C5: variants seen among roughly 807,000 people sequenced by gnomAD.
C5 encodes complement C5.
A neutral mutation model predicts 218.8 loss-of-function variants in C5; 140 were observed. The observed-to-expected ratio is 0.64, with a 90% confidence interval of 0.56 to 0.74. C5 has a LOEUF of 0.74. Among genes scored for constraint, C5 ranks in the 30% least tolerant of loss-of-function variants. C5 has a pLI of 0.00. For missense variants in C5, 1,700 were observed against 1,969.6 expected, an observed-to-expected ratio of 0.86 and a Z score of 2.59; for synonymous variants, 614 against 682.3, an observed-to-expected ratio of 0.90 and a Z score of 1.56.
chr9:120,968,404 T>C (rs758564961), intron 33 of C5, among the ~76,000 whole-genome samples: 1 of 152,222 alleles, frequency 6.6e-6, no homozygotes, highest in African/African-American at 2.4e-5. Context: ...CCAGAAGGAA[T>C]ACAGCCCTAC....
rs572345213 is a variant in C5 at position 121,002,316 on chromosome 9, G to GTGTGTGTGTGTATATATATATATATA, written c.2562+3602_2562+3603insTATATATATATATATACACACACACA. Among the ~76,000 whole-genome samples the GTGTGTGTGTGTATATATATATATATA allele has an allele frequency of 8.7e-4, 76 of 87,370 alleles. 1 individual carries two copies. Among genetic ancestry groups the GTGTGTGTGTGTATATATATATATATA allele is most frequent in the Non-Finnish European group, 1.3e-3 (61 of 45,300 alleles). 57.3% of individuals were successfully genotyped at this position (87,370 alleles called of 152,430 possible). On this transcript the variant is annotated intron_variant, in intron 20 of 40. Coordinates refer to ENST00000223642, the MANE Select transcript of C5 (RefSeq NM_001735.3). Reference sequence around the variant, plus strand: ...TATATATGTATATATATATGTGTGTGTATATATATATATATATATATATAT... The same window carrying GTGTGTGTGTGTATATATATATATATA: ...TATATATGTATATATATATGTGTGTGTGTGTGTGTGTATATATATATATATATATATATATATATATATATATATAT...
At chr9:120,978,229 G>A (rs1209813815) in intron 28 of C5, among the ~76,000 whole-genome samples, 1 of 151,894 alleles carries the variant, frequency 6.6e-6, no homozygotes, top group Non-Finnish European at 1.5e-5. Flanking sequence ...AATCCTTTTT[G>A]GAACAAACTA....
rs1343382966 is a variant in C5, at chr9:121,002,335, TATATATACAC to T, written c.2562+3574_2562+3583del. 2.8e-3 allele frequency among the ~76,000 whole-genome samples: 302 copies of T among 109,428 alleles called. 5 individuals carry two copies. The highest frequency in any genetic ancestry group is 0.011 in the African/African-American group (288 of 27,160). 71.8% of individuals were successfully genotyped at this position (109,428 alleles called of 152,430 possible). A position where few individuals can be genotyped will look rare whatever the true frequency, so the allele number is the denominator to read the frequency against. Reference sequence around the variant, plus strand: ...GTGTGTGTATATATATATATATATATATATATACACACATACCTACACAAGCCGATTTTAT... The same window carrying T: ...GTGTGTGTATATATATATATATATATACATACCTACACAAGCCGATTTTAT... On this transcript the variant is annotated intron_variant, in intron 20 of 40. Transcript: ENST00000223642.
intron 4 of C5, among the ~76,000 whole-genome samples, 197 bp from the exon 5 acceptor site, chr9:121,035,091 CCTT>C (rs2047512306): frequency 6.6e-6 from 1 of 151,990 alleles, no homozygotes. Flanking sequence ...CAGCCATTTC[CCTT>C]CTTCTTTTTC....
intron 22 of C5, among the ~76,000 whole-genome samples, chr9:120,993,001 A>C (rs1164043052): frequency 1.3e-5 from 2 of 152,240 alleles, no homozygotes; most frequent in Non-Finnish European, 2.9e-5. Flanking sequence ...AAACGTGCAA[A>C]AGATATGAAT....
At chr9:120,962,555 G>T in intron 36 of C5, 116 bp downstream of exon 36, 1 of 816,066 alleles carries the variant, frequency 1.2e-6, no homozygotes, top group Non-Finnish European at 2.2e-6. Flanking sequence ...CTTTCATGAA[G>T]AGTGGTCCCT....
Position 121,006,062 on chromosome 9 carries a change from C to T in C5, c.2423-4G>A, listed in dbSNP as rs779596746. The T allele has an allele frequency of 1.1e-5, 17 of 1,613,496 alleles. No individual in the cohort carries two copies. Among genetic ancestry groups the T allele is most frequent in the Non-Finnish European group, 1.4e-5 (17 of 1,179,660 alleles). On this transcript the variant is annotated splice_polypyrimidine_tract_variant and splice_region_variant and intron_variant, in intron 19 of 40. Coordinates refer to ENST00000223642, the MANE Select transcript of C5 (RefSeq NM_001735.3). ...ACAGTATCAGCAACACATATACCTT[C>T]AGCCCAAAGTGGAAGCAAAGTAGAA... is the stretch of plus-strand genomic sequence containing the variant.
intron 22 of C5, among the ~76,000 whole-genome samples, chr9:120,994,497 C>T (rs1291023042): frequency 4.0e-5 from 6 of 151,886 alleles, no homozygotes; most frequent in Non-Finnish European, 5.9e-5. Flanking sequence ...GCAGGAGAAT[C>T]GCTTGAAATC....
chr9:120,991,308 C>T (rs1564142543), intron 22 of C5, 28 bp from the exon 23 acceptor site: 1 of 1,255,246 alleles, frequency 8.0e-7, no homozygotes, highest in African/African-American at 1.5e-5. Flanking sequence ...TGGATTTATA[C>T]AGAGTTTCCA....
chr9:121,070,384 GATATATATATATAT>G, the C5 span, among the ~76,000 whole-genome samples: 9,846 of 72,820 alleles, frequency 0.14, 650 homozygotes, highest in East Asian at 0.2. Flanking sequence ...AAGGAAGGGT[GATATATATATATAT>G]ATATATATAT....
chr9:121,017,595 C>T (rs377671804), intron 13 of C5, 48 bp downstream of exon 13: 6 of 1,602,590 alleles, frequency 3.7e-6, no homozygotes, highest in Non-Finnish European at 4.3e-6. Context: ...TTGGCAGCCT[C>T]CTTCATTGAA....
At chr9:121,028,597 G>A (rs1373820863) in intron 7 of C5, among the ~76,000 whole-genome samples, 1 of 152,098 alleles carries the variant, frequency 6.6e-6, no homozygotes, top group Admixed American at 6.5e-5. Flanking sequence ...CACAAGGACA[G>A]AAAACCAAAT....
chr9:121,005,405 G>A (rs1196211210), intron 20 of C5, among the ~76,000 whole-genome samples: 8 of 152,202 alleles, frequency 5.3e-5, no homozygotes, highest in African/African-American at 1.2e-4. Flanking sequence ...TGGACTGAAG[G>A]TTTCAGTGAT....
intron 27 of C5, among the ~76,000 whole-genome samples, chr9:120,981,245 GAAAC>G (rs1215488044): frequency 6.6e-6 from 1 of 152,174 alleles, no homozygotes; most frequent in Non-Finnish European, 1.5e-5. Flanking sequence ...TTAAGCTTCT[GAAAC>G]AAACTGAAAA....
chr9:120,997,554 C>A lies in C5; in HGVS notation c.2783G>T (p.Arg928Leu). The change falls in exon 21 of 41, where the codon CGA becomes CTA. Residue 928 changes from arginine to leucine, a missense_variant. Coordinates refer to ENST00000223642, the MANE Select transcript of C5 (RefSeq NM_001735.3). The stretch of plus-strand genomic sequence containing the variant: ...GAAGCATGTTTTTCTTACCACCACT[C>A]GTAATGTTTTTACTAAGATTTCTTT... The part of the protein sequence containing the change: ...FGKEILVKTL[R>L]VVPEGVKRES... 6.2e-7 allele frequency: 1 copy of A among 1,610,234 alleles called. No individual in the cohort carries two copies. The highest frequency in any genetic ancestry group is 1.1e-5 in the South Asian group (1 of 90,948).
intron 20 of C5, among the ~76,000 whole-genome samples, chr9:121,004,987 A>AT (rs1279295779): frequency 6.6e-6 from 1 of 151,880 alleles, no homozygotes; most frequent in African/African-American, 2.4e-5. Flanking sequence ...CCGTCTTAAA[A>AT]AAAAAAGTGT....
chr9:120,980,145 T>C lies in C5; in HGVS notation c.3596A>G (p.Asp1199Gly). Residue 1199 changes from aspartate (D) to glycine (G), a missense_variant, in exon 28 of 41, where the codon GAT becomes GGT. By Grantham distance (94) the Asp-to-Gly change is moderately conservative. Transcript: ENST00000223642. Reference protein sequence around the residue: ...AISAYALSLGDKTHPQFRSIV... With the variant: ...AISAYALSLGGKTHPQFRSIV... The stretch of plus-strand genomic sequence containing the variant: ...TGAACGAAACTGTGGGTGAGTTTTA[T>C]CTCCCAGGGAAAGAGCATACGCAGA... The C allele has an allele frequency of 5.0e-6, 8 of 1,614,142 alleles. No homozygotes were observed. Among genetic ancestry groups the C allele is most frequent in the Non-Finnish European group, 6.8e-6 (8 of 1,180,024 alleles).
chr9:120,976,094 A>G (rs1300782503), intron 29 of C5, among the ~76,000 whole-genome samples: 1 of 152,186 alleles, frequency 6.6e-6, no homozygotes, highest in Non-Finnish European at 1.5e-5. Flanking sequence ...CCCTCTCTAC[A>G]TCTAAATTAC....
chr9:120,965,923 C>T (rs894244786), intron 33 of C5, among the ~76,000 whole-genome samples: 21 of 152,316 alleles, frequency 1.4e-4, no homozygotes, highest in Non-Finnish European at 1.6e-4. Flanking sequence ...CTGCCAAAAC[C>T]AGCAATCTTC....
Sources: gnomAD v4.1 joint callset for allele counts (sites outside exome capture counted in the v4.1 genomes callset) on GRCh38, gnomAD v4.1.1 for gene constraint, MANE v1.5 for transcripts, NCBI Gene and HGNC (gene_info 2026-07-23, HGNC 2026-07-21) for gene names.